TTC28: variants seen among roughly 807,000 people sequenced by gnomAD.
TTC28 encodes the protein tetratricopeptide repeat domain 28.
Under a neutral mutation model 198.0 loss-of-function variants are expected in TTC28, and 61 were observed. The observed-to-expected ratio is 0.31, with a 90% CI of 0.25 to 0.38. TTC28 has a LOEUF of 0.38. TTC28 is among the 10% of genes least tolerant of loss of function. TTC28 has a pLI of 1.00. For missense variants in TTC28, 2,678 were observed against 3,164.0 expected, an observed-to-expected ratio of 0.85 and a Z score of 3.69; for synonymous variants, 1,171 against 1,297.8, an observed-to-expected ratio of 0.90 and a Z score of 2.10.
At chr22:28,161,875 A>G (rs1325798882) in intron 6 of TTC28, among the ~76,000 whole-genome samples, 12 of 92,794 alleles carry the variant, frequency 1.3e-4, no homozygotes, top group African/African-American at 5.2e-4. Context: ...GGAAGGAAGG[A>G]AGGGAGGAAG....
chr22:28,016,865 C>G (rs1197371909), intron 13 of TTC28, among the ~76,000 whole-genome samples: 1 of 152,236 alleles, frequency 6.6e-6, no homozygotes, highest in Non-Finnish European at 1.5e-5. Context: ...CATCTGACCC[C>G]TCCCTGAGGA....
chr22:28,376,420 T>TA (rs1167578918), intron 2 of TTC28, among the ~76,000 whole-genome samples: 1 of 152,336 alleles, frequency 6.6e-6, no homozygotes, highest in African/African-American at 2.4e-5. Context: ...TATAGATGAG[T>TA]AAACTTGAAC....
chr22:28,580,876 A>C (rs991603542), intron 2 of TTC28, among the ~76,000 whole-genome samples: 1 of 152,184 alleles, frequency 6.6e-6, no homozygotes, highest in Non-Finnish European at 1.5e-5. Context: ...GAAGTTTCAA[A>C]CTATATCCTT....
chr22:28,518,643 A>G (rs1361155912), intron 2 of TTC28, among the ~76,000 whole-genome samples: 3 of 152,230 alleles, frequency 2.0e-5, no homozygotes, highest in Admixed American at 6.5e-5. Flanking sequence ...ATAAGGCTAA[A>G]TAAGTATAAA....
In TTC28 at chr22:28,107,970, G is replaced by A. The variant is rs752497784; in HGVS notation, c.1875C>T (p.Pro625=). 17 of 1,551,478 alleles carry A rather than the reference G, an allele frequency of 1.1e-5. No individual in the cohort carries two copies. The highest frequency in any genetic ancestry group is 1.7e-4 in the Middle Eastern group (1 of 6,012). ...PYYEQYLRLA[P]DLQDMEGEGK... is the part of the protein sequence containing the mutation. ...CTTCTCCTTCCATGTCTTGAAGGTCGGGAGCAAGCCGGAGGTACTGTTCAT... is the reference window on the plus strand; with the variant it reads ...CTTCTCCTTCCATGTCTTGAAGGTCAGGAGCAAGCCGGAGGTACTGTTCAT... The change falls in exon 7 of 23, where the codon CCC becomes CCT. Residue 625 remains proline, a synonymous_variant. Transcript: ENST00000397906.
chr22:28,293,874 G>C (rs1426888380), intron 5 of TTC28, among the ~76,000 whole-genome samples: 3 of 152,128 alleles, frequency 2.0e-5, no homozygotes, highest in Non-Finnish European at 4.4e-5. Flanking sequence ...GGCTAAACAG[G>C]AGGAACAACT....
chr22:28,604,534 A>C (rs1293233679), intron 2 of TTC28, among the ~76,000 whole-genome samples: 1 of 151,812 alleles, frequency 6.6e-6, no homozygotes, highest in East Asian at 1.9e-4. Context: ...ATCTGAGGTC[A>C]GGAGTTCGAG....
chr22:28,655,113 G>A (rs547463158), intron 1 of TTC28, among the ~76,000 whole-genome samples: 1 of 152,276 alleles, frequency 6.6e-6, no homozygotes, highest in East Asian at 1.9e-4. Context: ...ACTTATAACT[G>A]ATGAATGTTG....
At chr22:28,474,550 A>G (rs2048137187) in intron 2 of TTC28, among the ~76,000 whole-genome samples, 1 of 152,214 alleles carries the variant, frequency 6.6e-6, no homozygotes, top group African/African-American at 2.4e-5. Flanking sequence ...AAACATGTAG[A>G]TGAATTAAAG....
intron 2 of TTC28, among the ~76,000 whole-genome samples, chr22:28,506,444 G>T (rs566685160): frequency 1.2e-4 from 18 of 152,152 alleles, no homozygotes; most frequent in Admixed American, 3.9e-4. Context: ...AGGGGTGGCT[G>T]CCATCTCAGT....
intron 12 of TTC28, among the ~76,000 whole-genome samples, chr22:28,071,367 C>T (rs62237568): frequency 4.0e-5 from 6 of 149,700 alleles, no homozygotes; most frequent in Non-Finnish European, 7.4e-5. Flanking sequence ...ATTAAGAAAA[C>T]GTGGCACATA....
chr22:28,460,772 T>C (rs695272), intron 2 of TTC28, among the ~76,000 whole-genome samples: 104,784 of 151,872 alleles, frequency 0.69, 36,319 homozygotes, highest in South Asian at 0.81. Flanking sequence ...CAGCCTTGAC[T>C]TCCTGGGCTC....
chr22:28,649,727 C>T (rs1316805886), intron 1 of TTC28, among the ~76,000 whole-genome samples: 2 of 152,110 alleles, frequency 1.3e-5, no homozygotes, highest in Admixed American at 6.6e-5. Context: ...AATCATTTGG[C>T]TTGTTCAGTT....
intron 5 of TTC28, among the ~76,000 whole-genome samples, chr22:28,207,473 T>C (rs1429298092): frequency 2.6e-5 from 4 of 152,206 alleles, no homozygotes; most frequent in African/African-American, 7.2e-5. Context: ...TTAATATGAA[T>C]GACCTCAGAC....
chr22:28,107,512 G>T lies in TTC28; in HGVS notation c.2333C>A (p.Thr778Lys). ...CTCCTGATATACCTCCAGTTCCTGT[G>T]TGTGATAACCCAGGGCCTTGTCATA... is the stretch of plus-strand genomic sequence containing the variant. ...QKYDKALGYH[T>K]QELEVYQELS... Residue 778 changes from threonine (T) to lysine (K), a missense_variant, in exon 7 of 23, where the codon ACA (threonine) becomes AAA (lysine). By Grantham distance (78) the Thr-to-Lys change is moderately conservative. Transcript: ENST00000397906. 1 of 1,551,770 alleles carries T rather than the reference G, an allele frequency of 6.4e-7. No individual in the cohort carries two copies. Among genetic ancestry groups the T allele is most frequent in the Non-Finnish European group, 8.7e-7 (1 of 1,147,032 alleles).
At chr22:28,500,449 T>A (rs1381611268) in intron 2 of TTC28, among the ~76,000 whole-genome samples, 1 of 152,150 alleles carries the variant, frequency 6.6e-6, no homozygotes, top group Admixed American at 6.5e-5. Flanking sequence ...AAGGGAAAAA[T>A]TCAAAGGTGA....
chr22:28,314,972 C>A (rs1217751481), intron 2 of TTC28, among the ~76,000 whole-genome samples: 1 of 152,090 alleles, frequency 6.6e-6, no homozygotes, highest in Non-Finnish European at 1.5e-5. Context: ...TGTTTGTTTG[C>A]AATACAGTGT....
At position 28,553,648 on chromosome 22, in the gene TTC28, G is replaced by C. The variant is rs568400639; in HGVS notation, c.381+75904C>G. ...CGCCCGGCAGCCACCCCATCCGGGA[G>C]GGAGGTGGGGGTCAGCCCCCGCGCC... On this transcript the variant is annotated intron_variant, in intron 2 of 22. Coordinates refer to ENST00000397906, the MANE Select transcript of TTC28 (RefSeq NM_001145418.2). Among the ~76,000 whole-genome samples the C allele has an allele frequency of 1.1e-3, 170 of 152,218 alleles. No homozygotes were observed. In the Middle Eastern group the frequency reaches 0.024, roughly 21 times the overall value.
At chr22:28,372,600 G>A (rs543500172) in intron 2 of TTC28, among the ~76,000 whole-genome samples, 3 of 150,318 alleles carry the variant, frequency 2.0e-5, no homozygotes, top group South Asian at 4.2e-4. Context: ...CCAAGATTAC[G>A]CTCTTTGTTC....
Sources: allele counts gnomAD v4.1 joint callset (sites outside exome capture counted in the v4.1 genomes callset), GRCh38; gene constraint gnomAD v4.1.1; transcripts MANE v1.5; gene names NCBI Gene and HGNC (gene_info 2026-07-23, HGNC 2026-07-21).